Variants in ASXL2 observed in about 807,000 individuals in gnomAD.
The protein encoded by ASXL2 is putative Polycomb group protein ASXL2.
A neutral mutation model predicts 122.0 loss-of-function variants in ASXL2; 23 were observed. That is an observed-to-expected ratio of 0.19 (90% CI 0.14 to 0.27). The LOEUF (loss-of-function observed/expected upper bound fraction) is 0.27. Ranked by LOEUF, ASXL2 falls within the 10% of genes least tolerant of loss-of-function variation. ASXL2 has a pLI of 1.00. For synonymous variants in ASXL2, 650 were observed against 637.0 expected (o/e 1.02, Z -0.31); for missense variants, 1,518 against 1,713.8 (o/e 0.89, Z 2.02).
intron 9 of ASXL2, among the ~76,000 whole-genome samples, chr2:25,758,345 G>A (rs992986356): frequency 6.6e-6 from 1 of 152,112 alleles, no homozygotes; most frequent in Non-Finnish European, 1.5e-5. Flanking sequence ...TTCTTTTACT[G>A]TGTAAACTAA....
At chr2:25,752,506 G>A (rs1032456709) in intron 11 of ASXL2, among the ~76,000 whole-genome samples, 4 of 152,120 alleles carry the variant, frequency 2.6e-5, no homozygotes, top group Non-Finnish European at 5.9e-5. Context: ...TAGTGATTCT[G>A]GATAGCTACA....
At chr2:25,777,143 C>CA (rs1255641644) in intron 5 of ASXL2, among the ~76,000 whole-genome samples, 1 of 152,120 alleles carries the variant, frequency 6.6e-6, no homozygotes, top group Non-Finnish European at 1.5e-5. Context: ...GGCTGGAGTG[C>CA]AGTGACATGA....
intron 1 of ASXL2, among the ~76,000 whole-genome samples, chr2:25,875,433 A>G (rs2090002262): frequency 6.6e-6 from 1 of 152,052 alleles, no homozygotes; most frequent in Admixed American, 6.6e-5. Context: ...ATACCTGTGA[A>G]GCCACTGCAC....
intron 4 of ASXL2, 131 bp from the exon 5 acceptor site, chr2:25,799,666 G>GC (rs1357785680): frequency 9.2e-7 from 1 of 1,089,450 alleles, no homozygotes; most frequent in African/African-American, 1.6e-5. Context: ...AGCAGAACCA[G>GC]CAATATTTTC....
chr2:25,748,733 TG>T (rs780154242), intron 12 of ASXL2, among the ~76,000 whole-genome samples: 4 of 152,244 alleles, frequency 2.6e-5, no homozygotes. Context: ...ATGAATGAAC[TG>T]CAAGCTGATA....
intron 5 of ASXL2, among the ~76,000 whole-genome samples, chr2:25,774,483 C>T (rs1427092770): frequency 6.6e-6 from 1 of 152,056 alleles, no homozygotes; most frequent in African/African-American, 2.4e-5. Context: ...TATTGTGCAG[C>T]AGGAACTCTT....
intron 2 of ASXL2, among the ~76,000 whole-genome samples, chr2:25,843,499 T>C (rs1476692823): frequency 6.6e-6 from 1 of 152,104 alleles, no homozygotes; most frequent in Non-Finnish European, 1.5e-5. Context: ...CAGGGATGTG[T>C]TATATAAAGT....
intron 1 of ASXL2, chr2:25,857,096 G>GA (rs1285256747): frequency 8.8e-6 from 1 of 113,958 alleles, no homozygotes; most frequent in Non-Finnish European, 1.8e-5. Flanking sequence ...GGGGCGGGGG[G>GA]GGGGAGATGG....
intron 2 of ASXL2, among the ~76,000 whole-genome samples, chr2:25,839,633 T>C (rs1258147653): frequency 6.7e-6 from 1 of 149,766 alleles, no homozygotes; most frequent in Non-Finnish European, 1.5e-5. Flanking sequence ...TTTTTTTTTT[T>C]TTTTAAGAGG....
chr2:25,800,263 A>T (rs1267703590), intron 4 of ASXL2, among the ~76,000 whole-genome samples: 1 of 152,148 alleles, frequency 6.6e-6, no homozygotes, highest in Non-Finnish European at 1.5e-5. Context: ...GTACTACTGC[A>T]CTCCAACATG....
Position 25,744,155 on chromosome 2 carries a change from T to A in ASXL2, c.2182A>T (p.Thr728Ser). ...DRVSETGKGPTLELAGTGSRG... is the reference protein window; with the variant it reads ...DRVSETGKGPSLELAGTGSRG... Reference sequence around the variant, plus strand: ...CTTCCAGTTCCTGCCAGTTCCAGTGTGGGGCCCTTTCCAGTTTCACTGACT... The same window carrying A: ...CTTCCAGTTCCTGCCAGTTCCAGTGAGGGGCCCTTTCCAGTTTCACTGACT... Residue 728 changes from threonine to serine, a missense_variant, in exon 13 of 13, where the codon ACA becomes TCA. By Grantham distance (58) the Thr-to-Ser change is moderately conservative. Around this residue, in one of 8 missense-constraint regions of ASXL2, gnomAD observed 831 missense variants for 833.1 expected, o/e 1.00. Transcript: ENST00000435504. The surrounding 1 kb of genome is among the most constrained non-coding windows in gnomAD (Gnocchi z 4.7). The A allele has an allele frequency of 6.2e-7, 1 of 1,613,988 alleles. No homozygotes were observed. The highest frequency in any genetic ancestry group is 8.5e-7 in the Non-Finnish European group (1 of 1,179,864).
In ASXL2 at chr2:25,870,811, T is replaced by TA. The variant is rs952604753; in HGVS notation, c.57+7354dup. Among the ~76,000 whole-genome samples the TA allele has an allele frequency of 5.2e-4, 79 of 151,766 alleles. No individual in the cohort carries two copies. The East Asian group carries it at 0.012, about 23-fold the overall frequency. On this transcript the variant is annotated intron_variant, in intron 1 of 12. Transcript: ENST00000435504. ...GGTATACCTGTTTGTATATACGAGGTAAAAAAAAATCCAGAAAGCCATATT... is the reference window on the plus strand; with the variant it reads ...GGTATACCTGTTTGTATATACGAGGTAAAAAAAAAATCCAGAAAGCCATATT...
rs1313095010 is a variant in ASXL2 at position 25,743,706 on chromosome 2, A to G, written c.2631T>C (p.Ser877=). The G allele has an allele frequency of 6.2e-7, 1 of 1,614,028 alleles. No homozygotes were observed. Among genetic ancestry groups the G allele is most frequent in the Admixed American group, 1.7e-5 (1 of 60,016 alleles). The change falls in exon 13 of 13, where the codon AGT becomes AGC. Residue 877 remains serine, a synonymous_variant. Coordinates refer to ENST00000435504, the MANE Select transcript of ASXL2 (RefSeq NM_018263.6). ...GGGAGGGAGTTACAGCCACTGGCAC[A>G]CTAGCATCTGTCTTTGATGAGGCTG... is the stretch of plus-strand genomic sequence containing the variant. The part of the protein sequence containing the change: ...NPSASSKTDA[S]VPVAVTPSPL...
At chr2:25,762,665 G>GAAAAAAAAAA (rs60065368) in intron 8 of ASXL2, among the ~76,000 whole-genome samples, 172 of 34,146 alleles carry the variant, frequency 5.0e-3, no homozygotes, top group East Asian at 7.8e-3. Flanking sequence ...ACTCTTTCTC[G>GAAAAAAAAAA]AAAAAAAAAA....
At chr2:25,796,591 G>A (rs1407141683) in intron 5 of ASXL2, among the ~76,000 whole-genome samples, 1 of 152,184 alleles carries the variant, frequency 6.6e-6, no homozygotes, top group Non-Finnish European at 1.5e-5. Flanking sequence ...AGCTTTTCAG[G>A]TGAGTTATGA....
intron 5 of ASXL2, among the ~76,000 whole-genome samples, chr2:25,784,864 C>A (rs1212243258): frequency 6.6e-6 from 1 of 152,182 alleles, no homozygotes; most frequent in Non-Finnish European, 1.5e-5. Context: ...TTCTGGTGTA[C>A]CAGAGGTTAT....
chr2:25,775,298 T>C (rs1347808746), intron 5 of ASXL2, among the ~76,000 whole-genome samples: 1 of 152,126 alleles, frequency 6.6e-6, no homozygotes, highest in Admixed American at 6.6e-5. Context: ...CAGCTAATTT[T>C]TGTATTTTTA....
intron 1 of ASXL2, among the ~76,000 whole-genome samples, chr2:25,859,718 G>A (rs527984534): frequency 7.0e-4 from 106 of 152,280 alleles, no homozygotes; most frequent in African/African-American, 2.5e-3. Context: ...TACATTCTGA[G>A]CCATAAAACA....
chr2:25,779,140 AGTGCAGTG>A (rs2088593148), intron 5 of ASXL2, among the ~76,000 whole-genome samples: 1 of 121,636 alleles, frequency 8.2e-6, no homozygotes, highest in Non-Finnish European at 1.6e-5. Context: ...CTCAGGCTGG[AGTGCAGTG>A]GTGCGATCTT....
Sources: allele counts gnomAD v4.1 joint callset (sites outside exome capture counted in the v4.1 genomes callset), GRCh38; gene constraint gnomAD v4.1.1; regional missense constraint gnomAD v4.1.1; non-coding constraint Gnocchi (gnomAD v3.1); transcripts MANE v1.5; gene names NCBI Gene and HGNC (gene_info 2026-07-23, HGNC 2026-07-21).